Variants in FAM227A observed in about 807,000 individuals in gnomAD.
FAM227A encodes the protein family with sequence similarity 227 member A, also known as protein FAM227A.
A neutral mutation model predicts 74.7 loss-of-function variants in FAM227A; 80 were observed. The observed-to-expected ratio is 1.07, with a 90% CI of 0.89 to 1.29. FAM227A has a LOEUF of 1.29. Among genes scored for constraint, FAM227A ranks in the 50% most tolerant of loss-of-function variants. FAM227A has a pLI of 0.00. For missense variants in FAM227A, 654 were observed against 683.4 expected, an observed-to-expected ratio of 0.96 and a Z score of 0.48; for synonymous variants, 237 against 241.8, an observed-to-expected ratio of 0.98 and a Z score of 0.19.
At chr22:38,645,455 C>T in intron 3 of FAM227A, 108 bp downstream of exon 3, 1 of 681,322 alleles carries the variant, frequency 1.5e-6, no homozygotes. Flanking sequence ...ATTGTGTAAA[C>T]ATGTTTTCAA....
At chr22:38,652,318 GTGGCTCACACC>G (rs2092334084) in intron 1 of FAM227A, among the ~76,000 whole-genome samples, 1 of 152,094 alleles carries the variant, frequency 6.6e-6, no homozygotes, top group Non-Finnish European at 1.5e-5. Flanking sequence ...GCCAGGCGCA[GTGGCTCACACC>G]TGTAATCCCA....
At chr22:38,632,678 T>C (rs2091937105) in intron 6 of FAM227A, among the ~76,000 whole-genome samples, 1 of 151,830 alleles carries the variant, frequency 6.6e-6, no homozygotes, top group Non-Finnish European at 1.5e-5. Context: ...CCAAAGAACA[T>C]GGGTGATAAA....
intron 11 of FAM227A, among the ~76,000 whole-genome samples, chr22:38,617,331 C>CT (rs2091599348): frequency 6.8e-6 from 1 of 147,268 alleles, no homozygotes; most frequent in Non-Finnish European, 1.5e-5. Context: ...AGTCTTGCTC[C>CT]GTCACCAAGG....
intron 12 of FAM227A, among the ~76,000 whole-genome samples, chr22:38,606,748 C>A (rs1332345926): frequency 6.6e-6 from 1 of 152,184 alleles, no homozygotes; most frequent in Non-Finnish European, 1.5e-5. Flanking sequence ...TTAGTTCCAA[C>A]CTTAGTAATT....
Position 38,628,846 on chromosome 22 carries a change from A to C in FAM227A, c.609T>G (p.His203Gln). 1 of 1,530,552 alleles carries C rather than the reference A, an allele frequency of 6.5e-7. No individual in the cohort carries two copies. The highest frequency in any genetic ancestry group is 8.8e-7 in the Non-Finnish European group (1 of 1,130,668). The allele number at this position is 1,530,552 out of a possible 1,614,324, so 94.8% of individuals were successfully genotyped here. ...IWLDSFWWIF[H>Q]ERYQPNKELQ... Reference sequence around the variant, plus strand: ...GATTTGTATTTACCTGGTACCTCTCATGAAATATCCACCAAAAGCTATCCA... The same window carrying C: ...GATTTGTATTTACCTGGTACCTCTCCTGAAATATCCACCAAAAGCTATCCA... The change falls in exon 7 of 17, where the codon CAT becomes CAG. Residue 203 changes from histidine (H) to glutamine (Q), a missense_variant. His to Gln is a conservative substitution (Grantham distance 24, BLOSUM62 0). Coordinates refer to ENST00000535113, the MANE Select transcript of FAM227A (RefSeq NM_001013647.2).
intron 6 of FAM227A, among the ~76,000 whole-genome samples, chr22:38,629,990 A>G (rs1157164771): frequency 7.9e-6 from 1 of 126,540 alleles, no homozygotes; most frequent in Non-Finnish European, 1.6e-5. Context: ...TTCTTTAACC[A>G]TCACTCACAC....
At chr22:38,618,414 C>G (rs2091621250) in intron 11 of FAM227A, 1 of 152,210 alleles carries the variant, frequency 6.6e-6, no homozygotes, top group Admixed American at 6.5e-5. Flanking sequence ...AATTTACCAT[C>G]CCCAGAAGCC....
chr22:38,640,241 G>C (rs1356661823), intron 3 of FAM227A, among the ~76,000 whole-genome samples: 3 of 152,124 alleles, frequency 2.0e-5, no homozygotes, highest in Admixed American at 6.6e-5. Context: ...CACCGTGTTA[G>C]CCAGGATGGT....
At position 38,584,225 on chromosome 22, in the gene FAM227A, AT is replaced by A. The variant is rs1281775683; in HGVS notation, c.*1899del. On this transcript the variant is annotated 3_prime_UTR_variant, in exon 17 of 17. Coordinates refer to ENST00000535113, the MANE Select transcript of FAM227A (RefSeq NM_001013647.2). Reference sequence around the variant, plus strand: ...CCATAAGGTCAGGGACTGTGTCTTTATTTATCTCTGTATTCACAGGGCCTAG... The same window carrying A: ...CCATAAGGTCAGGGACTGTGTCTTTATTATCTCTGTATTCACAGGGCCTAG... 2.0e-5 allele frequency: 3 copies of A among 152,076 alleles called. No homozygotes were observed. The highest frequency in any genetic ancestry group is 1.5e-5 in the Non-Finnish European group (1 of 68,030). The allele number at this position is 152,076 out of a possible 1,614,324, so 9.4% of individuals were successfully genotyped here.
chr22:38,589,066 T>C (rs1345970827), intron 16 of FAM227A, among the ~76,000 whole-genome samples: 1 of 152,106 alleles, frequency 6.6e-6, no homozygotes, highest in Non-Finnish European at 1.5e-5. Flanking sequence ...TCTTTGCAGA[T>C]GTAATCAAGT....
At chr22:38,604,133 C>T (rs1449590160) in intron 13 of FAM227A, among the ~76,000 whole-genome samples, 1 of 152,042 alleles carries the variant, frequency 6.6e-6, no homozygotes, top group Non-Finnish European at 1.5e-5. Context: ...TCGAGACCAG[C>T]CTGGCCAACA....
intron 10 of FAM227A, among the ~76,000 whole-genome samples, chr22:38,621,052 G>A (rs2091678604): frequency 6.7e-6 from 1 of 149,954 alleles, no homozygotes; most frequent in Non-Finnish European, 1.5e-5. Flanking sequence ...AACTCCCTGA[G>A]TCGGCCGGGC....
chr22:38,630,562 A>G (rs1403312613), intron 6 of FAM227A, among the ~76,000 whole-genome samples: 1 of 152,154 alleles, frequency 6.6e-6, no homozygotes, highest in East Asian at 1.9e-4. Flanking sequence ...AGTGGTTCCT[A>G]TTAGGGCTTA....
chr22:38,598,267 T>C (rs762741245), intron 14 of FAM227A, among the ~76,000 whole-genome samples: 69 of 152,184 alleles, frequency 4.5e-4, no homozygotes, highest in Non-Finnish European at 8.2e-4. Flanking sequence ...GTATCAGCTG[T>C]ATGCCATTTA....
At chr22:38,629,642 C>T (rs1324701386) in intron 6 of FAM227A, among the ~76,000 whole-genome samples, 1 of 152,228 alleles carries the variant, frequency 6.6e-6, no homozygotes, top group Non-Finnish European at 1.5e-5. Flanking sequence ...TAGCCTGGGC[C>T]CAGACTCACA....
chr22:38,634,889 G>A (rs973971974), intron 6 of FAM227A, among the ~76,000 whole-genome samples: 10 of 152,266 alleles, frequency 6.6e-5, no homozygotes, highest in Admixed American at 2.0e-4. Context: ...TAGGAAGTCC[G>A]AATGTAAGAA....
At chr22:38,587,132 G>A (rs146481405) in intron 16 of FAM227A, among the ~76,000 whole-genome samples, 1 of 152,264 alleles carries the variant, frequency 6.6e-6, no homozygotes, top group African/African-American at 2.4e-5. Context: ...AGTGCTAAGA[G>A]GGAAATTTAT....
At chr22:38,640,174 C>T (rs1009048648) in intron 3 of FAM227A, among the ~76,000 whole-genome samples, 6 of 152,050 alleles carry the variant, frequency 3.9e-5, no homozygotes, top group African/African-American at 1.2e-4. Flanking sequence ...GCTGGGACTA[C>T]AGGCGCCTGC....
rs2092221027 is a variant in FAM227A at position 38,645,590 on chromosome 22, CAG to C, written c.196_197del (p.Leu66AlafsTer12). On this transcript the variant is annotated frameshift_variant, in exon 3 of 17. Coordinates refer to ENST00000535113, the MANE Select transcript of FAM227A (RefSeq NM_001013647.2). LOFTEE classifies it high-confidence loss of function. Reference protein sequence around the residue: ...QVNQKIADINLRTEPSANSLA... With the variant: ...QVNQKIADINXRTEPSANSLA... Reference sequence around the variant, plus strand: ...GGCTGTTGGCCGACGGCTCGGTACGCAGATTTATGTCAGCAATCTTTTGGTTC... The same window carrying C: ...GGCTGTTGGCCGACGGCTCGGTACGCATTTATGTCAGCAATCTTTTGGTTC... 6.4e-7 allele frequency: 1 copy of C among 1,551,232 alleles called. No individual in the cohort carries two copies. The highest frequency in any genetic ancestry group is 1.4e-5 in the African/African-American group (1 of 72,982).
Sources: gnomAD v4.1 joint callset for allele counts (sites outside exome capture counted in the v4.1 genomes callset) on GRCh38, gnomAD v4.1.1 for gene constraint, MANE v1.5 for transcripts, NCBI Gene and HGNC (gene_info 2026-07-23, HGNC 2026-07-21) for gene names.